The following SLC26A5 variants were observed in gnomAD, a reference collection of about 807,000 sequenced individuals.
SLC26A5 encodes the protein solute carrier family 26 member 5.
Under a neutral mutation model 81.0 loss-of-function variants are expected in SLC26A5, and 51 were observed. The observed-to-expected ratio is 0.63, with a 90% CI of 0.50 to 0.80. The LOEUF is 0.80. SLC26A5 is among the 30% of genes least tolerant of loss of function. The pLI is 0.00. For synonymous variants in SLC26A5, 325 were observed against 332.8 expected (o/e 0.98, Z 0.25); for missense variants, 771 against 905.8 (o/e 0.85, Z 1.91).
intron 2 of SLC26A5, among the ~76,000 whole-genome samples, chr7:103,428,217 C>G (rs965160563): frequency 6.6e-6 from 1 of 152,022 alleles, no homozygotes; most frequent in East Asian, 1.9e-4. Flanking sequence ...TGGAGTGAGA[C>G]TGATGCACAA....
chr7:103,388,619 C>G, intron 14 of SLC26A5: 1 of 346,516 alleles, frequency 2.9e-6, no homozygotes, highest in Non-Finnish European at 5.7e-6. Flanking sequence ...GGAATGCATA[C>G]GATAACTTGG....
chr7:103,378,579 A>C (rs762151499), intron 16 of SLC26A5, 26 bp from the exon 17 acceptor site: 1 of 1,604,536 alleles, frequency 6.2e-7, no homozygotes, highest in South Asian at 1.1e-5. Flanking sequence ...CCATATGCAA[A>C]ATCACTTCAT....
chr7:103,401,231 CCTCT>C (rs1350596134), intron 8 of SLC26A5, among the ~76,000 whole-genome samples: 3 of 152,120 alleles, frequency 2.0e-5, no homozygotes, highest in Non-Finnish European at 4.4e-5. Context: ...TTGTTTGTGT[CCTCT>C]CTGATTTCCT....
downstream of SLC26A5, chr7:103,369,429 G>A (rs886925272): frequency 1.2e-4 from 19 of 152,176 alleles, no homozygotes; most frequent in African/African-American, 4.1e-4. Context: ...ATGGCCACGT[G>A]CTCATATATA....
chr7:103,381,035 A>G (rs899907363), intron 14 of SLC26A5, among the ~76,000 whole-genome samples: 7 of 151,214 alleles, frequency 4.6e-5, no homozygotes, highest in African/African-American at 1.7e-4. Flanking sequence ...CACACACACC[A>G]TACATACATA....
intron 19 of SLC26A5, among the ~76,000 whole-genome samples, chr7:103,358,669 G>A (rs1343761620): frequency 5.9e-5 from 9 of 151,476 alleles, no homozygotes; most frequent in Non-Finnish European, 1.5e-5. Flanking sequence ...TCATTTTTGT[G>A]TGTGTGTTGA....
chr7:103,391,056 G>C (rs945638314), intron 11 of SLC26A5, among the ~76,000 whole-genome samples: 4 of 152,124 alleles, frequency 2.6e-5, no homozygotes, highest in African/African-American at 9.7e-5. Context: ...AGTAGAGACA[G>C]GGTTCACCAG....
chr7:103,389,844 T>A (rs1283139009), intron 12 of SLC26A5, among the ~76,000 whole-genome samples: 1 of 152,100 alleles, frequency 6.6e-6, no homozygotes, highest in Non-Finnish European at 1.5e-5. Flanking sequence ...CCCAGGCTGG[T>A]CTCGAACTCC....
intron 14 of SLC26A5, among the ~76,000 whole-genome samples, chr7:103,381,670 A>G (rs1821803852): frequency 6.6e-6 from 1 of 151,470 alleles, no homozygotes; most frequent in East Asian, 1.9e-4. Context: ...CTACACACAT[A>G]ATACACATAC....
At chr7:103,361,434 C>T (rs1430020243) in intron 19 of SLC26A5, among the ~76,000 whole-genome samples, 1 of 140,236 alleles carries the variant, frequency 7.1e-6, no homozygotes, top group Non-Finnish European at 1.5e-5. Flanking sequence ...TGCATGAACC[C>T]AAGAGGTGGA....
intron 8 of SLC26A5, among the ~76,000 whole-genome samples, chr7:103,399,774 T>C (rs1036979916): frequency 6.6e-6 from 1 of 152,162 alleles, no homozygotes; most frequent in Non-Finnish European, 1.5e-5. Context: ...CCTGTGTCCA[T>C]GTGTTCTCAT....
At chr7:103,362,445 T>A (rs1820465420) in intron 19 of SLC26A5, 12 of 1,356,718 alleles carry the variant, frequency 8.8e-6, no homozygotes, top group African/African-American at 1.5e-5. Context: ...CTTAGTAAAT[T>A]AAAAAAAAAT....
At chr7:103,437,152 C>T (rs573289351) in intron 2 of SLC26A5, among the ~76,000 whole-genome samples, 15 of 152,228 alleles carry the variant, frequency 9.9e-5, no homozygotes, top group African/African-American at 3.1e-4. Flanking sequence ...TCTCAAAAGA[C>T]GCAGAAGTGG....
intron 7 of SLC26A5, among the ~76,000 whole-genome samples, chr7:103,409,266 T>C (rs1824291733): frequency 6.6e-6 from 1 of 152,246 alleles, no homozygotes; most frequent in African/African-American, 2.4e-5. Flanking sequence ...CAGCTGCATC[T>C]TGGCACCTAG....
At chr7:103,395,176 T>C (rs1822984868) in intron 9 of SLC26A5, among the ~76,000 whole-genome samples, 1 of 152,090 alleles carries the variant, frequency 6.6e-6, no homozygotes, top group African/African-American at 2.4e-5. Context: ...TTTAAGTCAC[T>C]GTTTTGGGTT....
chr7:103,424,862 T>C (rs987241067), intron 2 of SLC26A5, among the ~76,000 whole-genome samples: 1 of 152,182 alleles, frequency 6.6e-6, no homozygotes, highest in Non-Finnish European at 1.5e-5. Flanking sequence ...TTCAGGGCCT[T>C]AACCTGAACC....
intron 19 of SLC26A5, among the ~76,000 whole-genome samples, chr7:103,364,487 C>T (rs1457390203): frequency 6.6e-6 from 1 of 152,158 alleles, no homozygotes; most frequent in Non-Finnish European, 1.5e-5. Flanking sequence ...CAGCTCACTG[C>T]AGTCTCTACC....
chr7:103,441,683 T>C (rs1826890809), intron 2 of SLC26A5, among the ~76,000 whole-genome samples: 5 of 152,230 alleles, frequency 3.3e-5, no homozygotes, highest in Admixed American at 2.6e-4. Flanking sequence ...AACACTGGCA[T>C]GGATACTCAG....
chr7:103,442,448 C>T (rs1208250374), intron 2 of SLC26A5, among the ~76,000 whole-genome samples: 3 of 152,138 alleles, frequency 2.0e-5, no homozygotes, highest in Non-Finnish European at 2.9e-5. Flanking sequence ...CACACTTTCA[C>T]TATTGAAAAC....
Sources: allele counts gnomAD v4.1 joint callset (sites outside exome capture counted in the v4.1 genomes callset), GRCh38; gene constraint gnomAD v4.1.1; transcripts MANE v1.5; gene names NCBI Gene and HGNC (gene_info 2026-07-23, HGNC 2026-07-21).